Variants in ADNP2 observed in about 807,000 individuals in gnomAD.
ADNP2 encodes the protein ADNP homeobox 2, also known as activity-dependent neuroprotector homeobox protein 2.
A neutral mutation model predicts 16.4 loss-of-function variants in ADNP2; 8 were observed. The ratio of observed to expected loss-of-function variants is 0.49; its 90% confidence interval spans 0.29 to 0.88. The LOEUF (loss-of-function observed/expected upper bound fraction) is 0.88. ADNP2 is among the 40% of genes least tolerant of loss of function. The pLI is 0.09. For synonymous variants in ADNP2, 637 were observed against 545.8 expected (o/e 1.17, Z -2.33); for missense variants, 1,397 against 1,395.1 (o/e 1.00, Z -0.02).
chr18:80,133,140 A>T lies in ADNP2; in HGVS notation c.146A>T (p.His49Leu), dbSNP rs757124495. 9 of 1,612,908 alleles carry T rather than the reference A, an allele frequency of 5.6e-6. No homozygotes were observed. The South Asian group carries it at 9.9e-5, about 18-fold the overall frequency. ...TTTGATCCAGGAGAGAAATACTTTC[A>T]TAACACATCATGGGGTGATGTTTCT... ...KGFDPGEKYF[H>L]NTSWGDVSLW... is the part of the protein sequence containing the mutation. The change falls in exon 3 of 4, where the codon CAT becomes CTT. Residue 49 changes from histidine (H) to leucine (L), a missense_variant. This residue lies in a region of ADNP2 where 777 missense variants were observed against 719.4 expected (regional missense o/e 1.08). Coordinates refer to ENST00000262198, the MANE Select transcript of ADNP2 (RefSeq NM_014913.4).
chr18:80,137,814 A>G lies in ADNP2; in HGVS notation c.2401A>G (p.Met801Val), dbSNP rs1217048281. The change falls in exon 4 of 4, where the codon ATG (methionine) becomes GTG (valine). Residue 801 changes from methionine (M) to valine (V), a missense_variant. By Grantham distance (21) the Met-to-Val change is conservative. Around this residue, in one of 3 missense-constraint regions of ADNP2, gnomAD observed 611 missense variants for 648.7 expected, o/e 0.94. Transcript: ENST00000262198. This position sits in a 1 kb window ranked among gnomAD's most constrained non-coding sequence, Gnocchi z 4.2. Reference sequence around the variant, plus strand: ...GCACCTGGGGAAGAAGAAGTTGCCTATGGATTATAGCAACAGAGGTTTTCA... The same window carrying G: ...GCACCTGGGGAAGAAGAAGTTGCCTGTGGATTATAGCAACAGAGGTTTTCA... Reference protein sequence around the residue: ...NRHLGKKKLPMDYSNRGFQLD... With the variant: ...NRHLGKKKLPVDYSNRGFQLD... The G allele has an allele frequency of 5.6e-6, 9 of 1,614,040 alleles. No homozygotes were observed. The highest frequency in any genetic ancestry group is 7.6e-6 in the Non-Finnish European group (9 of 1,180,036).
At chr18:80,126,791 C>T (rs1182372751) in intron 2 of ADNP2, among the ~76,000 whole-genome samples, 1 of 152,090 alleles carries the variant, frequency 6.6e-6, no homozygotes, top group Non-Finnish European at 1.5e-5. Flanking sequence ...AGTTTTTCTT[C>T]CCCTCACCCG....
chr18:80,110,207 A>G (rs1007156804), intron 1 of ADNP2, among the ~76,000 whole-genome samples: 8 of 152,236 alleles, frequency 5.3e-5, no homozygotes, highest in African/African-American at 1.9e-4. Context: ...GCATTGAAAT[A>G]GATTCCGTTT....
chr18:80,119,671 C>A (rs977409395), intron 2 of ADNP2, among the ~76,000 whole-genome samples: 5 of 152,216 alleles, frequency 3.3e-5, no homozygotes, highest in African/African-American at 1.2e-4. Context: ...GAAAGGTAGA[C>A]TCTTCCACGA....
In ADNP2 at chr18:80,119,545, G is replaced by A. The variant is rs868648762; in HGVS notation, c.108+1895G>A. Among the ~76,000 whole-genome samples the A allele has an allele frequency of 3.9e-5, 6 of 152,114 alleles. 1 individual carries two copies. The Middle Eastern group carries it at 0.01, about 259-fold the overall frequency. ...ATTTCAGATTTCAGAGTGGTATGTCGCTCTGCCTTCTTGTAAGATTTACAC... is the reference window on the plus strand; with the variant it reads ...ATTTCAGATTTCAGAGTGGTATGTCACTCTGCCTTCTTGTAAGATTTACAC... On this transcript the variant is annotated intron_variant, in intron 2 of 3. Transcript: ENST00000262198.
chr18:80,113,675 C>T (rs1445627596), intron 1 of ADNP2, among the ~76,000 whole-genome samples: 10 of 152,026 alleles, frequency 6.6e-5, no homozygotes, highest in Admixed American at 5.2e-4. Flanking sequence ...TGTGATGGGA[C>T]CCTCTCAAGC....
At chr18:80,115,005 C>T (rs888757959) in intron 1 of ADNP2, among the ~76,000 whole-genome samples, 7 of 152,118 alleles carry the variant, frequency 4.6e-5, no homozygotes, top group African/African-American at 1.4e-4. Context: ...ATTCTCATGG[C>T]ATTATTTCCT....
At position 80,136,624 on chromosome 18, in the gene ADNP2, C is replaced by T; in HGVS notation, c.1211C>T (p.Thr404Ile). Residue 404 changes from threonine to isoleucine, a missense_variant, in exon 4 of 4, where the codon ACC becomes ATC. Thr to Ile is a moderately conservative substitution (Grantham distance 89). This residue lies in a region of ADNP2 where 777 missense variants were observed against 719.4 expected (regional missense o/e 1.08). Coordinates refer to ENST00000262198, the MANE Select transcript of ADNP2 (RefSeq NM_014913.4). ...QTVRPGVLPLTQPVGPINRPV... is the reference protein window; with the variant it reads ...QTVRPGVLPLIQPVGPINRPV... ...GTTCGCCCTGGGGTTTTACCCCTCACCCAGCCTGTGGGACCCATAAACAGA... is the reference window on the plus strand; with the variant it reads ...GTTCGCCCTGGGGTTTTACCCCTCATCCAGCCTGTGGGACCCATAAACAGA... The T allele has an allele frequency of 6.2e-7, 1 of 1,614,220 alleles. No homozygotes were observed. Among genetic ancestry groups the T allele is most frequent in the Non-Finnish European group, 8.5e-7 (1 of 1,180,050 alleles).
At chr18:80,119,731 T>C (rs916088725) in intron 2 of ADNP2, among the ~76,000 whole-genome samples, 1 of 152,220 alleles carries the variant, frequency 6.6e-6, no homozygotes, top group Non-Finnish European at 1.5e-5. Context: ...ATAGAAACTC[T>C]TTAGGAGTTG....
chr18:80,117,672 A>G, intron 2 of ADNP2, 22 bp downstream of exon 2: 1 of 1,566,574 alleles, frequency 6.4e-7, no homozygotes, highest in South Asian at 1.2e-5. Context: ...TAAGTAGCCA[A>G]CTGGAATCTG....
intron 2 of ADNP2, among the ~76,000 whole-genome samples, chr18:80,128,204 C>A (rs1364220010): frequency 6.6e-6 from 1 of 152,190 alleles, no homozygotes; most frequent in East Asian, 1.9e-4. Flanking sequence ...TGAAGATGTA[C>A]TGACAGTTCC....
At chr18:80,111,270 T>G (rs1195831157) in intron 1 of ADNP2, among the ~76,000 whole-genome samples, 1 of 152,136 alleles carries the variant, frequency 6.6e-6, no homozygotes, top group Non-Finnish European at 1.5e-5. Flanking sequence ...TGGAGTTAAT[T>G]AATAGCAAAC....
Position 80,136,020 on chromosome 18 carries a change from A to G in ADNP2, c.607A>G (p.Thr203Ala), listed in dbSNP as rs77600292. 2 of 1,614,084 alleles carry G rather than the reference A, an allele frequency of 1.2e-6. No homozygotes were observed. The highest frequency in any genetic ancestry group is 1.3e-5 in the African/African-American group (1 of 74,938). The change falls in exon 4 of 4, where the codon ACT becomes GCT. Residue 203 changes from threonine (T) to alanine (A), a missense_variant. Thr to Ala is a moderately conservative substitution (Grantham distance 58). Around this residue, in one of 3 missense-constraint regions of ADNP2, gnomAD observed 777 missense variants for 719.4 expected, o/e 1.08. Transcript: ENST00000262198. ...GGGTGAGCAACCGAAAACTAACGAT[A>G]CTGTTTCTATAGAGAAGATCCCACC... ...EMGEQPKTND[T>A]VSIEKIPPPD... is the part of the protein sequence containing the mutation.
In ADNP2 at chr18:80,133,209, T is replaced by C; in HGVS notation, c.198+17T>C. ...AAGAAAGTGGTATGTATTTTTTGCA[T>C]TTGTTTTTCATGTTTCCTCAAAAGT... is the stretch of plus-strand genomic sequence containing the variant. On this transcript the variant is annotated intron_variant, in intron 3 of 3. Coordinates refer to ENST00000262198, the MANE Select transcript of ADNP2 (RefSeq NM_014913.4). 3 of 1,594,316 alleles carry C rather than the reference T, an allele frequency of 1.9e-6. No individual in the cohort carries two copies. Among genetic ancestry groups the C allele is most frequent in the Non-Finnish European group, 2.6e-6 (3 of 1,161,990 alleles).
intron 2 of ADNP2, among the ~76,000 whole-genome samples, chr18:80,125,942 A>G (rs549455866): frequency 1.3e-5 from 2 of 152,350 alleles, no homozygotes; most frequent in Non-Finnish European, 2.9e-5. Context: ...TACAGGCAGC[A>G]AAGCCTAAAC....
rs1488945950 is a variant in ADNP2 at position 80,136,875 on chromosome 18, C to T, written c.1462C>T (p.Pro488Ser). 1.2e-6 allele frequency: 2 copies of T among 1,614,032 alleles called. No individual in the cohort carries two copies. Among genetic ancestry groups the T allele is most frequent in the African/African-American group, 2.7e-5 (2 of 74,914 alleles). Residue 488 changes from proline (P) to serine (S), a missense_variant, in exon 4 of 4, where the codon CCT becomes TCT. Physicochemically the swap from Pro to Ser is moderately conservative, Grantham distance 74. Around this residue, in one of 3 missense-constraint regions of ADNP2, gnomAD observed 777 missense variants for 719.4 expected, o/e 1.08. Coordinates refer to ENST00000262198, the MANE Select transcript of ADNP2 (RefSeq NM_014913.4). ...CCAGATGGTCCAGTCAGGAGTTCTC[C>T]CTGTGGGCCAGACAGCTCCGTCACG... ...TGQMVQSGVLPVGQTAPSRVL... is the reference protein window; with the variant it reads ...TGQMVQSGVLSVGQTAPSRVL...
intron 2 of ADNP2, among the ~76,000 whole-genome samples, chr18:80,131,525 G>A (rs1165354126): frequency 6.6e-6 from 1 of 150,918 alleles, no homozygotes; most frequent in Admixed American, 6.6e-5. Context: ...TTGAACAATA[G>A]CGGTAAGGTA....
chr18:80,139,098 A>G lies in ADNP2; in HGVS notation c.*289A>G. 3.6e-6 allele frequency: 1 copy of G among 281,444 alleles called. No homozygotes were observed. The allele number at this position is 281,444 out of a possible 1,614,324, so 17.4% of individuals were successfully genotyped here. The stretch of plus-strand genomic sequence containing the variant: ...TATTTCATGCACGCCTTGTTTTCCC[A>G]CTAGTGTCAGTATCGTATGATAAGA... On this transcript the variant is annotated 3_prime_UTR_variant, in exon 4 of 4. Transcript: ENST00000262198.
chr18:80,139,824 C>T lies in ADNP2; in HGVS notation c.*1015C>T, dbSNP rs2052569250. The T allele has an allele frequency of 6.6e-6, 1 of 152,158 alleles. No homozygotes were observed. Among genetic ancestry groups the T allele is most frequent in the Non-Finnish European group, 1.5e-5 (1 of 68,014 alleles). The allele number at this position is 152,158 out of a possible 1,614,324, so 9.4% of individuals were successfully genotyped here. A position where few individuals can be genotyped will look rare whatever the true frequency, so the allele number is the denominator to read the frequency against. On this transcript the variant is annotated 3_prime_UTR_variant, in exon 4 of 4. Transcript: ENST00000262198. ...GAGATCTCAGTCTCCATGGTTGGTA[C>T]AGTAAGTCTTTGACCACATTTTCTG... is the stretch of plus-strand genomic sequence containing the variant.
Sources: gnomAD v4.1 joint callset for allele counts (sites outside exome capture counted in the v4.1 genomes callset) on GRCh38, gnomAD v4.1.1 for gene constraint, gnomAD v4.1.1 regional missense constraint, Gnocchi (gnomAD v3.1) non-coding constraint, MANE v1.5 for transcripts, NCBI Gene and HGNC (gene_info 2026-07-23, HGNC 2026-07-21) for gene names.